The following NRXN1 variants were observed in gnomAD, a reference collection of about 807,000 sequenced individuals.
The protein encoded by NRXN1 is neurexin 1.
A neutral mutation model predicts 150.9 loss-of-function variants in NRXN1; 39 were observed. The ratio of observed to expected loss-of-function variants is 0.26; its 90% confidence interval spans 0.20 to 0.34. The LOEUF is 0.34. Ranked by LOEUF, NRXN1 falls within the 10% of genes least tolerant of loss-of-function variation. NRXN1 has a pLI of 1.00. For synonymous variants in NRXN1, 924 were observed against 757.0 expected (o/e 1.22, Z -3.62); for missense variants, 1,815 against 1,949.9 (o/e 0.93, Z 1.30).
At chr2:49,941,993 TTTG>T (rs909450549) in intron 22 of NRXN1, among the ~76,000 whole-genome samples, 1 of 152,206 alleles carries the variant, frequency 6.6e-6, no homozygotes, top group East Asian at 1.9e-4. Context: ...AATGACTTTT[TTTG>T]TTGTTGTTGT....
intron 18 of NRXN1, among the ~76,000 whole-genome samples, chr2:50,133,367 T>G (rs991083670): frequency 5.0e-5 from 7 of 139,418 alleles, no homozygotes; most frequent in African/African-American, 1.8e-4. Context: ...TGAAGAAAAC[T>G]TAATGCAAGA....
At chr2:49,991,426 T>A (rs57655336) in intron 21 of NRXN1, among the ~76,000 whole-genome samples, 70,991 of 151,824 alleles carry the variant, frequency 0.47, 17,242 homozygotes, top group Middle Eastern at 0.61. Flanking sequence ...CTTTCATATA[T>A]ACCAACAATG....
intron 2 of NRXN1, among the ~76,000 whole-genome samples, chr2:51,018,094 T>C (rs1007193416): frequency 7.2e-5 from 11 of 152,062 alleles, no homozygotes; most frequent in Non-Finnish European, 1.3e-4. Context: ...ACGGGCCAGG[T>C]GTTGCGAGGT....
At chr2:50,722,793 A>C (rs1255083211) in intron 5 of NRXN1, among the ~76,000 whole-genome samples, 1 of 152,156 alleles carries the variant, frequency 6.6e-6, no homozygotes, top group Non-Finnish European at 1.5e-5. Flanking sequence ...GGGAAAGTAA[A>C]ATTCCTAACA....
At chr2:50,531,003 C>A (rs1164016933) in intron 11 of NRXN1, among the ~76,000 whole-genome samples, 1 of 151,702 alleles carries the variant, frequency 6.6e-6, no homozygotes, top group Non-Finnish European at 1.5e-5. Context: ...TTTTAAGAAC[C>A]CTCAGTGGTA....
At chr2:50,244,944 CTA>C (rs1186203472) in intron 17 of NRXN1, among the ~76,000 whole-genome samples, 1 of 151,702 alleles carries the variant, frequency 6.6e-6, no homozygotes, top group Non-Finnish European at 1.5e-5. Flanking sequence ...TAAGAAAAAT[CTA>C]TGTGTGTATA....
chr2:50,584,722 C>A (rs934258051), intron 8 of NRXN1, among the ~76,000 whole-genome samples: 3 of 152,078 alleles, frequency 2.0e-5, no homozygotes, highest in Admixed American at 6.5e-5. Context: ...TGTTCAAGGT[C>A]AGTATTGATG....
chr2:50,393,259 G>A (rs1056186037), intron 17 of NRXN1, among the ~76,000 whole-genome samples: 1 of 151,816 alleles, frequency 6.6e-6, no homozygotes, highest in South Asian at 2.1e-4. Flanking sequence ...TAAACATTAC[G>A]TCTGTTTTTC....
At chr2:50,084,702 C>T (rs1260504664) in intron 19 of NRXN1, among the ~76,000 whole-genome samples, 1 of 152,142 alleles carries the variant, frequency 6.6e-6, no homozygotes. Flanking sequence ...GCTGAATGGG[C>T]GCCGAGGCCG....
At chr2:50,064,714 C>G (rs1695099669) in intron 19 of NRXN1, among the ~76,000 whole-genome samples, 1 of 151,966 alleles carries the variant, frequency 6.6e-6, no homozygotes, top group Non-Finnish European at 1.5e-5. Context: ...AAATGTTAAC[C>G]CTCCAAGGAG....
intron 17 of NRXN1, among the ~76,000 whole-genome samples, chr2:50,385,554 A>G (rs1316682065): frequency 6.6e-6 from 1 of 152,214 alleles, no homozygotes; most frequent in Non-Finnish European, 1.5e-5. Flanking sequence ...CTCAGTGGGT[A>G]AACCAGGAGT....
intron 9 of NRXN1, among the ~76,000 whole-genome samples, chr2:50,546,995 T>C (rs1288106548): frequency 1.3e-5 from 2 of 152,172 alleles, no homozygotes; most frequent in Non-Finnish European, 2.9e-5. Flanking sequence ...TCATGAATGG[T>C]GTACACAGAA....
chr2:50,768,959 G>C (rs935270046), intron 5 of NRXN1, among the ~76,000 whole-genome samples: 8 of 151,404 alleles, frequency 5.3e-5, no homozygotes, highest in Non-Finnish European at 1.2e-4. Flanking sequence ...CTCTGAACTT[G>C]AAAACGAAAA....
At chr2:50,160,235 G>C (rs951398073) in intron 18 of NRXN1, among the ~76,000 whole-genome samples, 7 of 151,852 alleles carry the variant, frequency 4.6e-5, no homozygotes, top group Admixed American at 3.9e-4. Context: ...TTGATGAAAT[G>C]ACAACTTAAA....
At chr2:49,924,236 A>C (rs989330539) in intron 22 of NRXN1, among the ~76,000 whole-genome samples, 2 of 152,180 alleles carry the variant, frequency 1.3e-5, no homozygotes, top group Admixed American at 6.5e-5. Context: ...TTCCAGCCTG[A>C]TGGAATGCTT....
intron 5 of NRXN1, among the ~76,000 whole-genome samples, chr2:50,793,951 C>A (rs899279311): frequency 2.0e-5 from 3 of 151,968 alleles, no homozygotes; most frequent in Non-Finnish European, 4.4e-5. Flanking sequence ...GGACATTTGA[C>A]AATGTTTGTA....
At chr2:50,932,511 C>T (rs926683238) in intron 2 of NRXN1, among the ~76,000 whole-genome samples, 1 of 151,802 alleles carries the variant, frequency 6.6e-6, no homozygotes, top group African/African-American at 2.4e-5. Context: ...ATCATATGTT[C>T]CCACTTACAA....
At chr2:50,435,308 A>C (rs2085330959) in intron 17 of NRXN1, among the ~76,000 whole-genome samples, 2 of 152,184 alleles carry the variant, frequency 1.3e-5, no homozygotes, top group African/African-American at 4.8e-5. Flanking sequence ...ATAATGAATA[A>C]ATGTAAACAT....
chr2:50,956,731 T>C (rs1204016205), intron 2 of NRXN1, among the ~76,000 whole-genome samples: 1 of 151,272 alleles, frequency 6.6e-6, no homozygotes, highest in Non-Finnish European at 1.5e-5. Context: ...TATATAATAA[T>C]AATAATAATA....
Sources: allele counts gnomAD v4.1 joint callset (sites outside exome capture counted in the v4.1 genomes callset), GRCh38; gene constraint gnomAD v4.1.1; transcripts MANE v1.5; gene names NCBI Gene and HGNC (gene_info 2026-07-23, HGNC 2026-07-21).